The following LETM1 variants were observed in gnomAD, a reference collection of about 807,000 sequenced individuals.
LETM1 encodes the protein mitochondrial proton/calcium exchanger protein.
In LETM1, 50 loss-of-function variants were observed where a neutral mutation model predicts 74.5. That is an observed-to-expected ratio of 0.67 (90% confidence interval 0.53 to 0.85). LETM1 has a LOEUF of 0.85. LETM1 is among the 40% of genes least tolerant of loss of function. The pLI is 0.00. For synonymous variants in LETM1, 446 were observed against 407.1 expected (o/e 1.10, Z -1.15); for missense variants, 824 against 967.8 (o/e 0.85, Z 1.97).
Position 1,822,305 on chromosome 4 carries a change from A to AAATCCTTCTGAAAGGC in LETM1, c.1477-9_1483dup (p.Phe495CysfsTer7). On this transcript the variant is annotated frameshift_variant, in exon 10 of 14. Coordinates refer to ENST00000302787, the MANE Select transcript of LETM1 (RefSeq NM_012318.3). LOFTEE classifies it high-confidence loss of function. ...AGCAGCTACCACACGTTCGGGCTCAAAATCCTTCTGAAAGGCAAGGCGACA... is the reference window on the plus strand; with the variant it reads ...AGCAGCTACCACACGTTCGGGCTCAAAATCCTTCTGAAAGGCAATCCTTCTGAAAGGCAAGGCGACA... The AAATCCTTCTGAAAGGC allele has an allele frequency of 6.7e-7, 1 of 1,501,426 alleles. No homozygotes were observed. 93.0% of individuals were successfully genotyped at this position (1,501,426 alleles called of 1,614,324 possible).
intron 13 of LETM1, among the ~76,000 whole-genome samples, chr4:1,815,214 G>C (rs1381159742): frequency 6.6e-6 from 1 of 152,200 alleles, no homozygotes; most frequent in Non-Finnish European, 1.5e-5. Flanking sequence ...GCTCAGCCCA[G>C]CAGTCACCTC....
chr4:1,828,832 C>T (rs1712135516), intron 6 of LETM1, among the ~76,000 whole-genome samples: 1 of 130,814 alleles, frequency 7.6e-6, no homozygotes. Context: ...CCACCTCCCT[C>T]CCGGACGGGG....
rs370883664 is a variant in LETM1, at chr4:1,849,128, G to A, written c.143+21C>T. On this transcript the variant is annotated intron_variant, in intron 2 of 13. Coordinates refer to ENST00000302787, the MANE Select transcript of LETM1 (RefSeq NM_012318.3). ...CCCTGTTTTCAAACAGACAGGTGCA[G>A]AGTGATACTGATTTACTCACAGGCA... The A allele has an allele frequency of 4.4e-6, 7 of 1,576,814 alleles. No homozygotes were observed. The African/African-American group carries it at 6.7e-5, about 15-fold the overall frequency.
chr4:1,836,343 T>C lies in LETM1; in HGVS notation c.738+86A>G. ...AGATACATAAAGTCTCAAAAATATC[T>C]AGCACCTGAAAAGTCACAAACAAGG... On this transcript the variant is annotated intron_variant, in intron 4 of 13. Coordinates refer to ENST00000302787, the MANE Select transcript of LETM1 (RefSeq NM_012318.3). The surrounding 1 kb of genome is among the most constrained non-coding windows in gnomAD (Gnocchi z 5.8). 7.4e-7 allele frequency: 1 copy of C among 1,349,196 alleles called. No individual in the cohort carries two copies. Among genetic ancestry groups the C allele is most frequent in the Non-Finnish European group, 1.1e-6 (1 of 949,022 alleles). The allele number at this position is 1,349,196 out of a possible 1,614,324, so 83.6% of individuals were successfully genotyped here. A position where few individuals can be genotyped will look rare whatever the true frequency, so the allele number is the denominator to read the frequency against.
chr4:1,816,726 C>G lies in LETM1; in HGVS notation c.1931+1G>C, dbSNP rs763180183. ...TCTCCCGCGCCCACCACCCCACTCA[C>G]CCCGTGGGCATGCCGTTGGCCGGGG... On this transcript the variant is annotated splice_donor_variant, in intron 12 of 13. Transcript: ENST00000302787. LOFTEE classifies it high-confidence loss of function. The G allele has an allele frequency of 6.2e-7, 1 of 1,613,790 alleles. No individual in the cohort carries two copies. Among genetic ancestry groups the G allele is most frequent in the Non-Finnish European group, 8.5e-7 (1 of 1,179,720 alleles).
chr4:1,837,219 ACGTTTCCTG>A (rs1044946436), intron 3 of LETM1, among the ~76,000 whole-genome samples: 11 of 152,008 alleles, frequency 7.2e-5, no homozygotes, highest in Non-Finnish European at 1.3e-4. Context: ...TGTAGTTCCT[ACGTTTCCTG>A]CGTTTCCACT....
At chr4:1,826,892 T>G (rs1273097366) in intron 6 of LETM1, among the ~76,000 whole-genome samples, 1 of 152,332 alleles carries the variant, frequency 6.6e-6, no homozygotes, top group South Asian at 2.1e-4. Context: ...CAGCTCACTG[T>G]AGTGCAGTGG....
intron 2 of LETM1, among the ~76,000 whole-genome samples, chr4:1,843,717 G>A (rs1252087649): frequency 6.6e-6 from 1 of 152,160 alleles, no homozygotes; most frequent in African/African-American, 2.4e-5. Flanking sequence ...TCCCTGTGAG[G>A]GCAGCTTCAG....
At chr4:1,827,259 C>G (rs1014092941) in intron 6 of LETM1, among the ~76,000 whole-genome samples, 2 of 149,088 alleles carry the variant, frequency 1.3e-5, no homozygotes, top group Non-Finnish European at 3.0e-5. Flanking sequence ...GGTTATAGAT[C>G]CTGGATTGAC....
intron 5 of LETM1, chr4:1,833,982 C>A (rs1712372400): frequency 6.6e-6 from 1 of 152,302 alleles, no homozygotes; most frequent in African/African-American, 2.4e-5. Context: ...AGCATGGCTC[C>A]CCCTAAAACA....
intron 6 of LETM1, among the ~76,000 whole-genome samples, chr4:1,829,358 A>T: frequency 7.2e-6 from 1 of 139,158 alleles, no homozygotes; most frequent in African/African-American, 2.8e-5. Context: ...TGACCCCCCC[A>T]CCTCCCTCCC....
At chr4:1,849,281 G>A (rs962394732) in intron 1 of LETM1, 72 bp from the exon 2 acceptor site, 1 of 1,166,084 alleles carries the variant, frequency 8.6e-7, no homozygotes, top group African/African-American at 1.5e-5. Context: ...TTTTGTTGTT[G>A]GTTTTTGGAG....
intron 6 of LETM1, among the ~76,000 whole-genome samples, chr4:1,828,835 G>C (rs1240741319): frequency 1.8e-5 from 2 of 110,156 alleles, no homozygotes; most frequent in Admixed American, 1.8e-4. Context: ...CCTCCCTCCC[G>C]GACGGGGCGG....
rs539993529 is a variant in LETM1, at chr4:1,854,523, G to A, written c.82+1346C>T. Among the ~76,000 whole-genome samples the A allele has an allele frequency of 1.1e-3, 169 of 151,738 alleles. 1 individual carries two copies. Among genetic ancestry groups the A allele is most frequent in the Non-Finnish European group, 2.1e-3 (145 of 67,966 alleles). ...TTACAAGAATTGGGGGCCGGGCGCGGTGGCTCACGCCTGTAATCCCAGCAC... is the reference window on the plus strand; with the variant it reads ...TTACAAGAATTGGGGGCCGGGCGCGATGGCTCACGCCTGTAATCCCAGCAC... On this transcript the variant is annotated intron_variant, in intron 1 of 13. Transcript: ENST00000302787.
intron 2 of LETM1, chr4:1,842,889 A>G: frequency 4.7e-6 from 1 of 211,496 alleles, no homozygotes; most frequent in Non-Finnish European, 1.0e-5. Context: ...TCCAAAATTC[A>G]AACAGCTGAC....
At chr4:1,816,962 G>A in intron 11 of LETM1, 48 bp from the exon 12 acceptor site, 1 of 1,523,574 alleles carries the variant, frequency 6.6e-7, no homozygotes. Flanking sequence ...AAAGAAAAAG[G>A]GGGTCAGGTG....
chr4:1,832,333 G>T (rs560979650), intron 6 of LETM1, among the ~76,000 whole-genome samples: 2 of 152,136 alleles, frequency 1.3e-5, no homozygotes, highest in African/African-American at 4.8e-5. Context: ...AGACCTAGAA[G>T]GAGGGCAGCG....
intron 6 of LETM1, among the ~76,000 whole-genome samples, chr4:1,828,354 G>A (rs1216877674): frequency 1.9e-4 from 23 of 120,826 alleles, no homozygotes; most frequent in East Asian, 2.6e-4. Flanking sequence ...CCTCCCGGAC[G>A]GGGCGGCTGG....
chr4:1,855,808 C>T, intron 1 of LETM1, 61 bp downstream of exon 1: 2 of 1,011,898 alleles, frequency 2.0e-6, no homozygotes, highest in Non-Finnish European at 2.5e-6. Context: ...ACCCGCGGGT[C>T]GTCCGCGCTC....
Sources: allele counts gnomAD v4.1 joint callset (sites outside exome capture counted in the v4.1 genomes callset), GRCh38; gene constraint gnomAD v4.1.1; non-coding constraint Gnocchi (gnomAD v3.1); transcripts MANE v1.5; gene names NCBI Gene and HGNC (gene_info 2026-07-23, HGNC 2026-07-21).